TNIP3: variants seen among roughly 807,000 people sequenced by gnomAD.
TNIP3 encodes TNFAIP3 interacting protein 3, also known as TNFAIP3-interacting protein 3.
In TNIP3, 34 loss-of-function variants were observed where a neutral mutation model predicts 54.1. The ratio of observed to expected loss-of-function variants is 0.63; its 90% CI spans 0.48 to 0.84. TNIP3 has a LOEUF of 0.84. TNIP3 is among the 40% of genes least tolerant of loss of function. The pLI is 0.00. For missense variants in TNIP3, 366 were observed against 387.6 expected (o/e 0.94, Z 0.47); for synonymous variants, 134 against 136.8 (o/e 0.98, Z 0.14).
intron 2 of TNIP3, among the ~76,000 whole-genome samples, chr4:121,194,480 C>T (rs528588821): frequency 6.6e-6 from 1 of 152,160 alleles, no homozygotes; most frequent in South Asian, 2.1e-4. Context: ...ATAAATCTTT[C>T]TTGGGGTTTA....
At position 121,157,129 on chromosome 4, in the gene TNIP3, GCTGCCTGTCGTCCTCTCT is replaced by G. The variant is rs554102907; in HGVS notation, c.310_327del (p.Glu105_Arg110del). 1.1e-4 allele frequency: 182 copies of G among 1,613,852 alleles called. No individual in the cohort carries two copies. The highest frequency in any genetic ancestry group is 6.5e-4 in the African/African-American group (49 of 74,854). The stretch of plus-strand genomic sequence containing the variant: ...TGCAGCCGGTCCCGGGTCAGGTCGC[GCTGCCTGTCGTCCTCTCT>G]CTGCCTGTCGTCCTTTCTCTGCCTC... On this transcript the variant is annotated inframe_deletion, in exon 4 of 11. Transcript: ENST00000057513.
intron 3 of TNIP3, among the ~76,000 whole-genome samples, chr4:121,182,443 C>T (rs897433268): frequency 6.6e-6 from 1 of 152,112 alleles, no homozygotes; most frequent in Admixed American, 6.6e-5. Flanking sequence ...GTCACAGCTG[C>T]CTGGACACTT....
At chr4:121,135,497 A>G (rs1728728068) in intron 10 of TNIP3, among the ~76,000 whole-genome samples, 1 of 152,102 alleles carries the variant, frequency 6.6e-6, no homozygotes, top group Non-Finnish European at 1.5e-5. Flanking sequence ...TCCTGGGCTC[A>G]TGTGATCCTC....
intron 2 of TNIP3, among the ~76,000 whole-genome samples, chr4:121,198,147 G>GT (rs1183916394): frequency 0.065 from 9,071 of 139,334 alleles, 857 homozygotes; most frequent in African/African-American, 0.21. Context: ...TTTCATTCTT[G>GT]TTTTTTTTTT....
chr4:121,208,927 A>C (rs1385648403), intron 2 of TNIP3, among the ~76,000 whole-genome samples: 1 of 152,208 alleles, frequency 6.6e-6, no homozygotes, highest in Non-Finnish European at 1.5e-5. Flanking sequence ...TTAGAAGGTA[A>C]GAACTTTCAG....
At chr4:121,220,475 T>C (rs1726982785), upstream of TNIP3, among the ~76,000 whole-genome samples, 3 of 152,194 alleles carry the variant, frequency 2.0e-5, no homozygotes, top group Admixed American at 1.3e-4. Flanking sequence ...TAGGTTTTTA[T>C]GATAATTAAC....
At chr4:121,145,258 CTG>C (rs1375243202) in intron 7 of TNIP3, among the ~76,000 whole-genome samples, 1 of 152,166 alleles carries the variant, frequency 6.6e-6, no homozygotes, top group African/African-American at 2.4e-5. Context: ...TATTACATCT[CTG>C]TGAATTCTAT....
chr4:121,208,209 T>C (rs547243861), intron 2 of TNIP3, among the ~76,000 whole-genome samples: 10 of 152,290 alleles, frequency 6.6e-5, no homozygotes, highest in African/African-American at 9.6e-5. Flanking sequence ...ACTGCCTCTA[T>C]AGGACTAATA....
intron 7 of TNIP3, 107 bp downstream of exon 7, chr4:121,146,942 A>T (rs1729464571): frequency 2.5e-6 from 3 of 1,199,824 alleles, no homozygotes; most frequent in East Asian, 2.6e-5. Context: ...GCTGACCTTT[A>T]AAAAAAAATT....
chr4:121,198,877 T>A (rs1725735729), intron 2 of TNIP3, among the ~76,000 whole-genome samples: 1 of 152,140 alleles, frequency 6.6e-6, no homozygotes, highest in African/African-American at 2.4e-5. Flanking sequence ...TACATATAGC[T>A]CTGAGGTATT....
chr4:121,132,521 G>C lies in TNIP3; in HGVS notation c.*110C>G, dbSNP rs1455985784. The C allele has an allele frequency of 1.2e-5, 12 of 1,002,434 alleles. No individual in the cohort carries two copies. In the East Asian group the frequency reaches 2.7e-4, roughly 22 times the overall value. 62.1% of individuals were successfully genotyped at this position (1,002,434 alleles called of 1,614,324 possible). A position where few individuals can be genotyped will look rare whatever the true frequency, so the allele number is the denominator to read the frequency against. On this transcript the variant is annotated 3_prime_UTR_variant, in exon 11 of 11. Transcript: ENST00000057513. Reference sequence around the variant, plus strand: ...AAAACATGACCAGGCACAAATAACAGGGTAGATGATGTGCCTTTGTGGCAG... The same window carrying C: ...AAAACATGACCAGGCACAAATAACACGGTAGATGATGTGCCTTTGTGGCAG...
In TNIP3 at chr4:121,139,095, T is replaced by C. The variant is rs140324439; in HGVS notation, c.886-411A>G. Among the ~76,000 whole-genome samples, 429 of 152,298 alleles carry C rather than the reference T, an allele frequency of 2.8e-3. 3 individuals carry two copies. Among genetic ancestry groups the C allele is most frequent in the African/African-American group, 9.8e-3 (409 of 41,560 alleles). ...GAGAAGGCCAGGAAAAAAAGTTTAA[T>C]ACAAGTTTTCTAATGGTTTAAGGAA... On this transcript the variant is annotated intron_variant, in intron 9 of 10. Coordinates refer to ENST00000057513, the MANE Select transcript of TNIP3 (RefSeq NM_024873.6).
At chr4:121,201,359 A>G (rs1030236522) in intron 2 of TNIP3, among the ~76,000 whole-genome samples, 1 of 152,208 alleles carries the variant, frequency 6.6e-6, no homozygotes, top group Non-Finnish European at 1.5e-5. Context: ...AGAGTGGAAC[A>G]TCTTGTTACT....
chr4:121,132,772 T>A, intron 10 of TNIP3, 110 bp from the exon 11 acceptor site: 3 of 849,040 alleles, frequency 3.5e-6, no homozygotes, highest in Non-Finnish European at 5.6e-6. Flanking sequence ...AAAAAAAAGT[T>A]ATGTTATATT....
At chr4:121,175,881 GTC>G (rs1435722549) in intron 3 of TNIP3, among the ~76,000 whole-genome samples, 1 of 152,164 alleles carries the variant, frequency 6.6e-6, no homozygotes, top group Non-Finnish European at 1.5e-5. Flanking sequence ...ACAGACCTAT[GTC>G]TCTGTTTTCC....
chr4:121,187,086 G>C (rs929986885), intron 2 of TNIP3, among the ~76,000 whole-genome samples: 2 of 152,256 alleles, frequency 1.3e-5, no homozygotes, highest in East Asian at 1.9e-4. Flanking sequence ...TTGAGAGGCA[G>C]AATTAACTAA....
chr4:121,166,460 A>G (rs934089598), upstream of TNIP3, among the ~76,000 whole-genome samples: 14 of 152,214 alleles, frequency 9.2e-5, no homozygotes, highest in Admixed American at 9.2e-4. Context: ...GCTTTTAGTC[A>G]AGCTTTGTTT....
chr4:121,161,300 T>G (rs1730438163), intron 1 of TNIP3, 84 bp from the exon 2 acceptor site: 1 of 1,176,416 alleles, frequency 8.5e-7, no homozygotes, highest in African/African-American at 1.7e-5. Context: ...ACCCCATGCA[T>G]TTGGCCAACT....
intron 2 of TNIP3, among the ~76,000 whole-genome samples, chr4:121,203,310 C>T (rs1210308587): frequency 6.6e-6 from 1 of 152,082 alleles, no homozygotes; most frequent in Non-Finnish European, 1.5e-5. Flanking sequence ...AAAATAATGG[C>T]ATTCGCAGCA....
Sources: gnomAD v4.1 joint callset for allele counts (sites outside exome capture counted in the v4.1 genomes callset) on GRCh38, gnomAD v4.1.1 for gene constraint, MANE v1.5 for transcripts, NCBI Gene and HGNC (gene_info 2026-07-23, HGNC 2026-07-21) for gene names.